CLPB: variants seen among roughly 807,000 people sequenced by gnomAD.
The protein encoded by CLPB is ClpB family mitochondrial disaggregase, also known as mitochondrial disaggregase.
In CLPB, 40 loss-of-function variants were observed where a neutral mutation model predicts 78.4. That is an observed-to-expected ratio of 0.51 (90% CI 0.40 to 0.66). The LOEUF (loss-of-function observed/expected upper bound fraction) is 0.66, where lower values mean the gene tolerates loss of function less well. Ranked by LOEUF, CLPB falls within the 30% of genes least tolerant of loss-of-function variation. The pLI, the probability that CLPB is intolerant of heterozygous loss-of-function variation, is 0.00. For synonymous variants in CLPB, 333 were observed against 348.0 expected, an observed-to-expected ratio of 0.96 and a Z score of 0.48; for missense variants, 780 against 886.9, an observed-to-expected ratio of 0.88 and a Z score of 1.53.
chr11:72,307,170 G>T, intron 9 of CLPB, 29 bp downstream of exon 9: 1 of 1,605,908 alleles, frequency 6.2e-7, no homozygotes, highest in Non-Finnish European at 8.5e-7. Context: ...TCCACGATCT[G>T]CAGATCAGAC....
At chr11:72,391,799 T>C (rs985857514) in intron 3 of CLPB, among the ~76,000 whole-genome samples, 1 of 152,210 alleles carries the variant, frequency 6.6e-6, no homozygotes, top group Non-Finnish European at 1.5e-5. Flanking sequence ...CTGAGATTCA[T>C]GGAACTCCCT....
chr11:72,320,640 T>C (rs759954725), intron 6 of CLPB, among the ~76,000 whole-genome samples: 1 of 152,220 alleles, frequency 6.6e-6, no homozygotes, highest in Non-Finnish European at 1.5e-5. Flanking sequence ...TACTGCTTCA[T>C]GCTCTTTTCA....
At chr11:72,298,873 C>A (rs752916782) in intron 11 of CLPB, among the ~76,000 whole-genome samples, 7 of 152,216 alleles carry the variant, frequency 4.6e-5, no homozygotes, top group Non-Finnish European at 1.0e-4. Context: ...GTATAGCCCT[C>A]TTTTCTCTGC....
Position 72,303,369 on chromosome 11 carries a change from A to G in CLPB, c.1123-1021T>C, listed in dbSNP as rs1231252008. Among the ~76,000 whole-genome samples the G allele has an allele frequency of 3.3e-5, 5 of 152,214 alleles. No homozygotes were observed. The East Asian group carries it at 9.6e-4, about 29-fold the overall frequency. On this transcript the variant is annotated intron_variant, in intron 9 of 15. Coordinates refer to ENST00000538039, the MANE Select transcript of CLPB (RefSeq NM_001258392.3). ...ATTCTAGCTTGGCCACTGGTCAGAA[A>G]TTCACGCCATGATGTACTTTTAGTT...
chr11:72,299,753 G>A (rs1370043130), intron 11 of CLPB, among the ~76,000 whole-genome samples: 1 of 152,216 alleles, frequency 6.6e-6, no homozygotes, highest in African/African-American at 2.4e-5. Context: ...AGTAAACCTG[G>A]ATGGCAGCTT....
intron 5 of CLPB, among the ~76,000 whole-genome samples, chr11:72,339,059 C>T (rs1009139977): frequency 6.6e-6 from 1 of 152,184 alleles, no homozygotes; most frequent in Non-Finnish European, 1.5e-5. Context: ...TTTCCACTGG[C>T]AGCAAACACT....
intron 11 of CLPB, among the ~76,000 whole-genome samples, chr11:72,300,743 G>A (rs983443354): frequency 6.6e-6 from 1 of 152,272 alleles, no homozygotes. Context: ...GGCTGCAGGA[G>A]ACTAGGTAGA....
chr11:72,401,444 A>AAAAT (rs1023725047), intron 3 of CLPB, among the ~76,000 whole-genome samples: 4 of 152,172 alleles, frequency 2.6e-5, no homozygotes, highest in African/African-American at 7.2e-5. Context: ...CCGTCTCAAA[A>AAAAT]AAATAAATAA....
In CLPB at chr11:72,287,591, G is replaced by A. The variant is rs1442228345; in HGVS notation, c.*5776C>T. Reference sequence around the variant, plus strand: ...GCCTTCCAAAGTGCTAGGATTACAGGTGTGGGCCACCACCATGCCTGGCCA... The same window carrying A: ...GCCTTCCAAAGTGCTAGGATTACAGATGTGGGCCACCACCATGCCTGGCCA... On this transcript the variant is annotated 3_prime_UTR_variant, in exon 16 of 16. Coordinates refer to ENST00000538039, the MANE Select transcript of CLPB (RefSeq NM_001258392.3). 2.0e-5 allele frequency: 3 copies of A among 152,184 alleles called. No individual in the cohort carries two copies. Among genetic ancestry groups the A allele is most frequent in the African/African-American group, 7.2e-5 (3 of 41,434 alleles). The allele number at this position is 152,184 out of a possible 1,614,324, so 9.4% of individuals were successfully genotyped here. A position where few individuals can be genotyped will look rare whatever the true frequency, so the allele number is the denominator to read the frequency against.
chr11:72,397,286 T>C lies in CLPB; in HGVS notation c.542+5680A>G, dbSNP rs368025642. On this transcript the variant is annotated intron_variant, in intron 3 of 15. Coordinates refer to ENST00000538039, the MANE Select transcript of CLPB (RefSeq NM_001258392.3). ...GGTCCATTCACCAGTTGATGGACAT[T>C]GCATTATATCCAGTTTTTGGTGGTC... Among the ~76,000 whole-genome samples the C allele has an allele frequency of 3.9e-5, 6 of 152,236 alleles. No homozygotes were observed. In the East Asian group the frequency reaches 9.6e-4, roughly 24 times the overall value.
At chr11:72,384,606 T>C (rs1476969857) in intron 3 of CLPB, among the ~76,000 whole-genome samples, 2 of 152,074 alleles carry the variant, frequency 1.3e-5, no homozygotes, top group African/African-American at 4.8e-5. Flanking sequence ...TGAATGTAAA[T>C]GGATTAAAAA....
intron 11 of CLPB, 29 bp from the exon 12 acceptor site, chr11:72,295,677 T>G (rs766842863): frequency 1.9e-6 from 3 of 1,611,892 alleles, no homozygotes; most frequent in East Asian, 2.2e-5. Context: ...GAGTGTACAG[T>G]CAGGGAGCTA....
chr11:72,311,387 T>C (rs149357456), intron 7 of CLPB, among the ~76,000 whole-genome samples: 5 of 152,328 alleles, frequency 3.3e-5, no homozygotes, highest in Middle Eastern at 3.4e-3. Flanking sequence ...TTGTTGTCTA[T>C]AAAGAACTTC....
intron 2 of CLPB, among the ~76,000 whole-genome samples, chr11:72,429,290 T>G (rs917589284): frequency 2.0e-5 from 3 of 152,234 alleles, no homozygotes; most frequent in African/African-American, 4.8e-5. Flanking sequence ...TATTAAAAAC[T>G]AAGGCTTGAA....
At chr11:72,294,151 G>A in intron 14 of CLPB, 25 bp from the exon 15 acceptor site, 1 of 1,610,268 alleles carries the variant, frequency 6.2e-7, no homozygotes, top group Non-Finnish European at 8.5e-7. Flanking sequence ...ATAGAAGCAT[G>A]CCTGCATGTG....
intron 4 of CLPB, among the ~76,000 whole-genome samples, chr11:72,368,026 A>G (rs766824366): frequency 3.9e-5 from 6 of 152,162 alleles, no homozygotes; most frequent in Non-Finnish European, 5.9e-5. Context: ...TGTAGTAAGG[A>G]CTCAATAAAT....
At chr11:72,302,485 T>A (rs1393023896) in intron 9 of CLPB, 137 bp from the exon 10 acceptor site, 2 of 746,578 alleles carry the variant, frequency 2.7e-6, no homozygotes, top group Non-Finnish European at 4.7e-6. Context: ...ACGCTCAAGA[T>A]GTTTTTTTCT....
chr11:72,375,938 A>C (rs946908736), intron 4 of CLPB, among the ~76,000 whole-genome samples: 1 of 152,242 alleles, frequency 6.6e-6, no homozygotes, highest in African/African-American at 2.4e-5. Context: ...TGGAGGTTAG[A>C]GAGGTCTTGC....
intron 7 of CLPB, among the ~76,000 whole-genome samples, chr11:72,310,047 G>A (rs917533703): frequency 2.6e-5 from 4 of 152,194 alleles, no homozygotes; most frequent in African/African-American, 9.6e-5. Flanking sequence ...AGGATTTGAA[G>A]AGGCAAAGGT....
Sources: allele counts gnomAD v4.1 joint callset (sites outside exome capture counted in the v4.1 genomes callset), GRCh38; gene constraint gnomAD v4.1.1; transcripts MANE v1.5; gene names NCBI Gene and HGNC (gene_info 2026-07-23, HGNC 2026-07-21).